Variants in MEIKIN observed in about 807,000 individuals in gnomAD.
MEIKIN encodes meiosis-specific kinetochore protein.
chr5:131,876,415 T>C (rs1485184272), intron 9 of MEIKIN, among the ~76,000 whole-genome samples: 1 of 150,380 alleles, frequency 6.6e-6, no homozygotes, highest in Non-Finnish European at 1.5e-5. Context: ...TCACTGGTCA[T>C]CAGAGAAATG....
At chr5:131,935,267 C>CAAAAAAAAAAAA (rs749135114) in intron 4 of MEIKIN, among the ~76,000 whole-genome samples, 1 of 36,652 alleles carries the variant, frequency 2.7e-5, no homozygotes, top group Non-Finnish European at 5.7e-5. Context: ...CCCGTCTCTA[C>CAAAAAAAAAAAA]AAAAAAAAAA....
At chr5:131,820,994 T>C (rs922254729) in intron 11 of MEIKIN, among the ~76,000 whole-genome samples, 5 of 152,146 alleles carry the variant, frequency 3.3e-5, no homozygotes, top group Admixed American at 1.3e-4. Context: ...TTCTTCAAAT[T>C]CACTTATTTC....
intron 12 of MEIKIN, among the ~76,000 whole-genome samples, chr5:131,812,046 C>T (rs1772967391): frequency 6.6e-6 from 1 of 152,142 alleles, no homozygotes; most frequent in Non-Finnish European, 1.5e-5. Flanking sequence ...CCTTGTAATC[C>T]CTTCCAAGTA....
At chr5:131,892,941 C>A (rs1439117068) in intron 8 of MEIKIN, among the ~76,000 whole-genome samples, 1 of 152,146 alleles carries the variant, frequency 6.6e-6, no homozygotes, top group African/African-American at 2.4e-5. Context: ...ACAGTCAGGA[C>A]CCTCAGCTGC....
At chr5:131,823,731 G>A (rs1230114339) in intron 11 of MEIKIN, among the ~76,000 whole-genome samples, 1 of 152,156 alleles carries the variant, frequency 6.6e-6, no homozygotes, top group Non-Finnish European at 1.5e-5. Flanking sequence ...TCTCCTGGAT[G>A]ATGCTGGTGC....
At chr5:131,934,992 G>C (rs1259358708) in intron 4 of MEIKIN, among the ~76,000 whole-genome samples, 1 of 151,608 alleles carries the variant, frequency 6.6e-6, no homozygotes, top group Non-Finnish European at 1.5e-5. Flanking sequence ...GGAGGTGGAG[G>C]TTGCAGTGAA....
At chr5:131,863,122 A>G (rs1448900798) in intron 9 of MEIKIN, among the ~76,000 whole-genome samples, 1 of 152,120 alleles carries the variant, frequency 6.6e-6, no homozygotes. Context: ...ATTGATTTCT[A>G]ATTTTATTCC....
At chr5:131,850,832 C>T (rs932567180) in intron 11 of MEIKIN, among the ~76,000 whole-genome samples, 8 of 151,820 alleles carry the variant, frequency 5.3e-5, no homozygotes, top group Admixed American at 2.0e-4. Flanking sequence ...CCTAGCTATT[C>T]GAGAGGCTGA....
chr5:131,848,461 C>T (rs554232178), intron 11 of MEIKIN, among the ~76,000 whole-genome samples: 2 of 152,150 alleles, frequency 1.3e-5, no homozygotes, highest in Non-Finnish European at 2.9e-5. Context: ...CAAAGCCTCT[C>T]AATACTAAAT....
chr5:131,857,144 T>C (rs958351435), intron 9 of MEIKIN, among the ~76,000 whole-genome samples: 1 of 152,254 alleles, frequency 6.6e-6, no homozygotes, highest in South Asian at 2.1e-4. Context: ...TGAAAATTTG[T>C]AACTCTATGT....
chr5:131,928,269 T>C (rs993183322), intron 5 of MEIKIN, among the ~76,000 whole-genome samples: 7 of 152,246 alleles, frequency 4.6e-5, no homozygotes, highest in Non-Finnish European at 7.3e-5. Flanking sequence ...AAAGTAATTA[T>C]TGATAGGTAA....
intron 8 of MEIKIN, among the ~76,000 whole-genome samples, chr5:131,907,566 T>C (rs1244373376): frequency 6.7e-6 from 1 of 150,216 alleles, no homozygotes; most frequent in Non-Finnish European, 1.5e-5. Context: ...CTAGTATGAC[T>C]GAACCATGAA....
At chr5:131,903,697 A>G (rs1415828634) in intron 8 of MEIKIN, among the ~76,000 whole-genome samples, 1 of 152,216 alleles carries the variant, frequency 6.6e-6, no homozygotes, top group East Asian at 1.9e-4. Context: ...TTAAGTACAT[A>G]GACAAGTGAC....
rs573822111 is a variant in MEIKIN at position 131,927,458 on chromosome 5, T to C, written c.479-5517A>G. Among the ~76,000 whole-genome samples the C allele has an allele frequency of 2.0e-5, 3 of 152,324 alleles. No homozygotes were observed. The East Asian group carries it at 5.8e-4, about 29-fold the overall frequency. On this transcript the variant is annotated intron_variant, in intron 5 of 12. Transcript: ENST00000442687. Reference sequence around the variant, plus strand: ...TTCTGCCACTGTCAGGTAGAATGTTTTGTATACATGTTAGGTCCATGTTGT... The same window carrying C: ...TTCTGCCACTGTCAGGTAGAATGTTCTGTATACATGTTAGGTCCATGTTGT...
intron 9 of MEIKIN, among the ~76,000 whole-genome samples, chr5:131,867,194 A>T (rs979853782): frequency 1.1e-4 from 16 of 152,240 alleles, no homozygotes; most frequent in African/African-American, 2.2e-4. Flanking sequence ...CTGACTTTTT[A>T]AAAAAAATTA....
intron 8 of MEIKIN, among the ~76,000 whole-genome samples, chr5:131,892,291 A>T (rs929526657): frequency 6.6e-6 from 1 of 152,118 alleles, no homozygotes; most frequent in African/African-American, 2.4e-5. Flanking sequence ...AGTTCTCCTG[A>T]ATAGTATCCT....
intron 8 of MEIKIN, among the ~76,000 whole-genome samples, chr5:131,904,868 A>T (rs1218096139): frequency 6.6e-6 from 1 of 152,204 alleles, no homozygotes; most frequent in Non-Finnish European, 1.5e-5. Flanking sequence ...GGAAACCATC[A>T]TTCTCAGCAA....
chr5:131,835,561 C>T (rs1314998002), intron 11 of MEIKIN, among the ~76,000 whole-genome samples: 1 of 151,938 alleles, frequency 6.6e-6, no homozygotes, highest in Admixed American at 6.6e-5. Flanking sequence ...TACTTCTGGG[C>T]ACTCTGTTCT....
chr5:131,945,387 CT>C lies in MEIKIN; in HGVS notation c.106+12del. 2.5e-6 allele frequency: 1 copy of C among 399,078 alleles called. No homozygotes were observed. The highest frequency in any genetic ancestry group is 4.4e-6 in the Non-Finnish European group (1 of 226,098). 24.7% of individuals were successfully genotyped at this position (399,078 alleles called of 1,614,324 possible). A position where few individuals can be genotyped will look rare whatever the true frequency, so the allele number is the denominator to read the frequency against. On this transcript the variant is annotated intron_variant, in intron 1 of 12. Transcript: ENST00000442687. The stretch of plus-strand genomic sequence containing the variant: ...TCGGCTGAGCTTACGGTGGGCGAGC[CT>C]TGAGCCTGTACCTGGCGGGGCCTCG...
Sources: gnomAD v4.1 joint callset for allele counts (sites outside exome capture counted in the v4.1 genomes callset) on GRCh38, gnomAD v4.1.1 for gene constraint, MANE v1.5 for transcripts, NCBI Gene and HGNC (gene_info 2026-07-23, HGNC 2026-07-21) for gene names.